Variants in PDYN observed in about 807,000 individuals in gnomAD.
PDYN encodes the protein prodynorphin.
A neutral mutation model predicts 11.4 loss-of-function variants in PDYN; 5 were observed. The ratio of observed to expected loss-of-function variants is 0.44; its 90% CI spans 0.23 to 0.92. The LOEUF is 0.92. PDYN is among the 40% of genes least tolerant of loss of function. The pLI, the probability that PDYN is intolerant of heterozygous loss-of-function variation, is 0.24. For missense variants in PDYN, 337 were observed against 317.3 expected (o/e 1.06, Z -0.47); for synonymous variants, 132 against 129.5 (o/e 1.02, Z -0.13).
At chr20:1,983,682 C>T (rs1011383610) in intron 2 of PDYN, among the ~76,000 whole-genome samples, 16 of 152,194 alleles carry the variant, frequency 1.1e-4, no homozygotes, top group African/African-American at 3.6e-4. Context: ...CCCTGCTGGC[C>T]TCCCTGCCTG....
Position 1,980,798 on chromosome 20 carries a change from T to A in PDYN, c.290A>T (p.Lys97Met), listed in dbSNP as rs1276131913. The A allele has an allele frequency of 6.2e-7, 1 of 1,614,124 alleles. No individual in the cohort carries two copies. Among genetic ancestry groups the A allele is most frequent in the Non-Finnish European group, 8.5e-7 (1 of 1,180,052 alleles). Residue 97 changes from lysine to methionine, a missense_variant, in exon 4 of 4, where the codon AAG becomes ATG. Coordinates refer to ENST00000217305, the MANE Select transcript of PDYN (RefSeq NM_024411.5). The part of the protein sequence containing the change: ...VGEGPYSELA[K>M]LSGSFLKELE... ...CTCCTTCAGGAATGACCCAGAGAGC[T>A]TGGCCAGCTCACTGTAGGGCCCTTC...
At chr20:1,984,983 G>A (rs1412444223) in intron 2 of PDYN, among the ~76,000 whole-genome samples, 1 of 152,118 alleles carries the variant, frequency 6.6e-6, no homozygotes, top group East Asian at 1.9e-4. Context: ...ATTTATGGGG[G>A]CGCAGTACAG....
chr20:1,981,137 A>G (rs1162559828), intron 3 of PDYN, among the ~76,000 whole-genome samples, 179 bp from the exon 4 acceptor site: 1 of 152,204 alleles, frequency 6.6e-6, no homozygotes, highest in Non-Finnish European at 1.5e-5. Flanking sequence ...GCCTGTGAGA[A>G]AGAGAAGACA....
At chr20:1,985,577 A>G (rs1030315039) in intron 2 of PDYN, among the ~76,000 whole-genome samples, 3 of 152,208 alleles carry the variant, frequency 2.0e-5, no homozygotes, top group African/African-American at 7.2e-5. Flanking sequence ...AGAGGTGGGT[A>G]TCACTAGCCC....
chr20:1,983,934 G>A (rs1362650877), intron 2 of PDYN, among the ~76,000 whole-genome samples: 2 of 152,162 alleles, frequency 1.3e-5, no homozygotes, highest in African/African-American at 4.8e-5. Context: ...TGCACATGCT[G>A]TTCCCTCCGC....
rs183181874 is a variant in PDYN at position 1,985,257 on chromosome 20, C to T, written c.-19-2154G>A. Among the ~76,000 whole-genome samples, 929 of 152,252 alleles carry T rather than the reference C, an allele frequency of 6.1e-3. 9 individuals carry two copies. The highest frequency in any genetic ancestry group is 7.2e-3 in the Non-Finnish European group (487 of 68,034). ...CGTTAAAGCATGCAGTAGGCTCCCCCACCAGAGCATGCCTAATAGTGATCC... is the reference window on the plus strand; with the variant it reads ...CGTTAAAGCATGCAGTAGGCTCCCCTACCAGAGCATGCCTAATAGTGATCC... On this transcript the variant is annotated intron_variant, in intron 2 of 3. Coordinates refer to ENST00000217305, the MANE Select transcript of PDYN (RefSeq NM_024411.5).
At chr20:1,990,089 C>T (rs997476931) in intron 2 of PDYN, among the ~76,000 whole-genome samples, 1 of 152,200 alleles carries the variant, frequency 6.6e-6, no homozygotes, top group Non-Finnish European at 1.5e-5. Context: ...GGGACAAGCT[C>T]TTTGCTGTCC....
rs781650898 is a variant in PDYN, at chr20:1,980,934, C to A, written c.154G>T (p.Ala52Ser). 1.9e-6 allele frequency: 3 copies of A among 1,614,162 alleles called. No individual in the cohort carries two copies. The highest frequency in any genetic ancestry group is 2.5e-6 in the Non-Finnish European group (3 of 1,180,038). ...PLICSLQCQA[A>S]LLPSEEWERC... is the part of the protein sequence containing the mutation. ...TCCCATTCCTCAGAGGGCAGCAGGG[C>A]AGCCTGGCATTGCAGGGAGCAAATC... The change falls in exon 4 of 4, where the codon GCC becomes TCC. Residue 52 changes from alanine (A) to serine (S), a missense_variant. Physicochemically the swap from Ala to Ser is moderately conservative, Grantham distance 99 (BLOSUM62 1). Coordinates refer to ENST00000217305, the MANE Select transcript of PDYN (RefSeq NM_024411.5).
chr20:1,986,105 C>A (rs969113724), intron 2 of PDYN, among the ~76,000 whole-genome samples: 1 of 152,196 alleles, frequency 6.6e-6, no homozygotes, highest in Non-Finnish European at 1.5e-5. Flanking sequence ...GAAGTACTCA[C>A]GATGTTCTGA....
intron 3 of PDYN, 45 bp downstream of exon 3, chr20:1,982,911 C>G (rs755232942): frequency 4.0e-5 from 64 of 1,607,664 alleles, no homozygotes. Context: ...CTGCCTCGCA[C>G]AGGTCCAAGG....
intron 2 of PDYN, among the ~76,000 whole-genome samples, chr20:1,983,935 T>TGGAGA (rs1311297594): frequency 6.6e-6 from 1 of 152,270 alleles, no homozygotes; most frequent in African/African-American, 2.4e-5. Flanking sequence ...GCACATGCTG[T>TGGAGA]TCCCTCCGCC....
At position 1,980,251 on chromosome 20, in the gene PDYN, G is replaced by T; in HGVS notation, c.*72C>A. ...CATGGGGAAGGGGCACATATAAGAG[G>T]ATGAATGAATGCACTCCAACCTGAA... On this transcript the variant is annotated 3_prime_UTR_variant, in exon 4 of 4. Transcript: ENST00000217305. The T allele has an allele frequency of 6.9e-7, 1 of 1,444,956 alleles. No individual in the cohort carries two copies. The highest frequency in any genetic ancestry group is 9.7e-7 in the Non-Finnish European group (1 of 1,027,472). The allele number at this position is 1,444,956 out of a possible 1,614,324, so 89.5% of individuals were successfully genotyped here.
intron 2 of PDYN, among the ~76,000 whole-genome samples, chr20:1,985,264 G>T (rs2122358401): frequency 6.6e-6 from 1 of 152,222 alleles, no homozygotes. Flanking sequence ...CCCCACCAGA[G>T]CATGCCTAAT....
Position 1,980,605 on chromosome 20 carries a change from G to A in PDYN, c.483C>T (p.Leu161=). 1 of 1,614,158 alleles carries A rather than the reference G, an allele frequency of 6.2e-7. No homozygotes were observed. The highest frequency in any genetic ancestry group is 8.5e-7 in the Non-Finnish European group (1 of 1,180,036). ...LNDGAMETGT[L]YLAEEDPKEQ... ...CCTTGGGGTCCTCCTCAGCGAGATAGAGTGTGCCAGTCTCCATGGCACCAT... is the reference window on the plus strand; with the variant it reads ...CCTTGGGGTCCTCCTCAGCGAGATAAAGTGTGCCAGTCTCCATGGCACCAT... Residue 161 remains leucine, a synonymous_variant, in exon 4 of 4, where the codon CTC becomes CTT. Coordinates refer to ENST00000217305, the MANE Select transcript of PDYN (RefSeq NM_024411.5).
chr20:1,993,723 T>A (rs1238359499), intron 1 of PDYN, 188 bp downstream of exon 1: 1 of 151,778 alleles, frequency 6.6e-6, no homozygotes, highest in East Asian at 1.9e-4. Context: ...AAAGGGAGAG[T>A]CCAAAGAGCA....
chr20:1,987,987 A>G (rs1186899100), intron 2 of PDYN, among the ~76,000 whole-genome samples: 2 of 152,154 alleles, frequency 1.3e-5, no homozygotes, highest in Non-Finnish European at 2.9e-5. Context: ...CACTGCAGAA[A>G]CAAAAAATGC....
chr20:1,984,763 G>A (rs1176341388), intron 2 of PDYN, among the ~76,000 whole-genome samples: 2 of 152,108 alleles, frequency 1.3e-5, no homozygotes, highest in Non-Finnish European at 2.9e-5. Context: ...GCTGGGAAGA[G>A]TGGCATGTAC....
At chr20:1,984,283 A>G (rs1988031404) in intron 2 of PDYN, among the ~76,000 whole-genome samples, 1 of 152,142 alleles carries the variant, frequency 6.6e-6, no homozygotes, top group South Asian at 2.1e-4. Context: ...CTTCTTTGTC[A>G]TTAAATTAGT....
At chr20:1,990,582 G>A (rs562514370) in intron 2 of PDYN, among the ~76,000 whole-genome samples, 21 of 152,350 alleles carry the variant, frequency 1.4e-4, no homozygotes, top group South Asian at 8.3e-4. Flanking sequence ...TGAGGGTCCC[G>A]TTTGGTGGTC....
Sources: allele counts gnomAD v4.1 joint callset (sites outside exome capture counted in the v4.1 genomes callset), GRCh38; gene constraint gnomAD v4.1.1; transcripts MANE v1.5; gene names NCBI Gene and HGNC (gene_info 2026-07-23, HGNC 2026-07-21).